MARK3: variants seen among roughly 807,000 people sequenced by gnomAD.
The protein encoded by MARK3 is MAP/microtubule affinity-regulating kinase 3.
Under a neutral mutation model 90.1 loss-of-function variants are expected in MARK3, and 46 were observed. The observed-to-expected ratio is 0.51, with a 90% CI of 0.40 to 0.65. The LOEUF (loss-of-function observed/expected upper bound fraction) is 0.65, where lower values mean the gene tolerates loss of function less well. Among genes scored for constraint, MARK3 ranks in the 30% least tolerant of loss-of-function variants. The probability of loss-of-function intolerance (pLI) is 0.00; values close to 1 mark genes in which losing one functional copy is unlikely to be tolerated. For missense variants in MARK3, 818 were observed against 947.2 expected (o/e 0.86, Z 1.79); for synonymous variants, 321 against 332.6 (o/e 0.97, Z 0.38).
chr14:103,444,428 C>A (rs1386276434), intron 3 of MARK3, among the ~76,000 whole-genome samples: 1 of 151,932 alleles, frequency 6.6e-6, no homozygotes, highest in Non-Finnish European at 1.5e-5. Context: ...TTTCTTTTTT[C>A]CAACTAACAT....
chr14:103,426,828 C>T (rs936304139), intron 2 of MARK3, among the ~76,000 whole-genome samples: 2 of 151,936 alleles, frequency 1.3e-5, no homozygotes, highest in African/African-American at 4.8e-5. Flanking sequence ...ACTTGGTTAG[C>T]CCACAGATTG....
At position 103,453,403 on chromosome 14, in the gene MARK3, C is replaced by T. The variant is rs553966824; in HGVS notation, c.412+1420C>T. 2.0e-5 allele frequency among the ~76,000 whole-genome samples: 3 copies of T among 152,276 alleles called. No individual in the cohort carries two copies. In the East Asian group the frequency reaches 5.8e-4, roughly 29 times the overall value. On this transcript the variant is annotated intron_variant, in intron 5 of 17. Transcript: ENST00000429436. The stretch of plus-strand genomic sequence containing the variant: ...CTGTTAAACTCTATCGTAATTTTAT[C>T]ATTAGCACTTTGATCCATGTTACAA...
intron 1 of MARK3, among the ~76,000 whole-genome samples, chr14:103,401,751 T>C (rs1027400277): frequency 5.9e-5 from 9 of 152,118 alleles, no homozygotes; most frequent in Admixed American, 5.2e-4. Context: ...ATGATGGATA[T>C]AGTATTGTCT....
intron 17 of MARK3, 59 bp downstream of exon 17, chr14:103,500,259 A>T: frequency 8.0e-7 from 1 of 1,255,414 alleles, no homozygotes; most frequent in Non-Finnish European, 1.1e-6. Flanking sequence ...TTTCTGTGGC[A>T]GAGGCGACTA....
At chr14:103,460,465 G>A (rs2093379854) in intron 6 of MARK3, among the ~76,000 whole-genome samples, 1 of 152,116 alleles carries the variant, frequency 6.6e-6, no homozygotes, top group East Asian at 1.9e-4. Context: ...ATGATTGAAA[G>A]TGAATTAGGT....
At chr14:103,498,584 C>A in intron 16 of MARK3, 56 bp downstream of exon 16, 1 of 1,306,524 alleles carries the variant, frequency 7.7e-7, no homozygotes, top group Non-Finnish European at 9.8e-7. Flanking sequence ...ATGGCTCCTG[C>A]AATTAACATT....
At chr14:103,441,358 C>T (rs1029105863) in intron 3 of MARK3, 3 of 152,150 alleles carry the variant, frequency 2.0e-5, no homozygotes, top group African/African-American at 7.2e-5. Flanking sequence ...GATCTCGGCT[C>T]ACTGCAAGCT....
At chr14:103,483,439 C>T (rs2093863186) in intron 14 of MARK3, among the ~76,000 whole-genome samples, 1 of 152,204 alleles carries the variant, frequency 6.6e-6, no homozygotes, top group Admixed American at 6.5e-5. Flanking sequence ...GCCCTTACTA[C>T]CTTCAAAATC....
chr14:103,471,406 C>T (rs1162128355), intron 12 of MARK3, among the ~76,000 whole-genome samples: 1 of 152,174 alleles, frequency 6.6e-6, no homozygotes, highest in African/African-American at 2.4e-5. Flanking sequence ...ACCAAGTCTC[C>T]CAAGGTTACA....
chr14:103,393,447 T>A (rs1332766876), intron 1 of MARK3, among the ~76,000 whole-genome samples: 1 of 152,082 alleles, frequency 6.6e-6, no homozygotes, highest in Non-Finnish European at 1.5e-5. Context: ...GGTGAAACTA[T>A]GTATCTTAAG....
intron 3 of MARK3, among the ~76,000 whole-genome samples, chr14:103,434,441 A>G (rs2092667331): frequency 6.6e-6 from 1 of 152,242 alleles, no homozygotes; most frequent in African/African-American, 2.4e-5. Flanking sequence ...GATCCTGCCA[A>G]ACTGAAAGAG....
chr14:103,444,388 T>C (rs779618198), intron 3 of MARK3, among the ~76,000 whole-genome samples: 1 of 152,198 alleles, frequency 6.6e-6, no homozygotes, highest in Non-Finnish European at 1.5e-5. Flanking sequence ...GAGAGAATTC[T>C]TTCAATTTAT....
chr14:103,432,100 T>G (rs2092600579), intron 3 of MARK3, among the ~76,000 whole-genome samples: 1 of 152,128 alleles, frequency 6.6e-6, no homozygotes, highest in African/African-American at 2.4e-5. Context: ...CTATGTAAAT[T>G]AGATATGGAT....
chr14:103,481,203 G>C (rs1189971478), intron 14 of MARK3, among the ~76,000 whole-genome samples: 1 of 152,198 alleles, frequency 6.6e-6, no homozygotes, highest in Non-Finnish European at 1.5e-5. Flanking sequence ...GGAGAGAAAA[G>C]AGAAGTTAGA....
rs1397031849 is a variant in MARK3, at chr14:103,421,358, A to G, written c.244-7029A>G. Among the ~76,000 whole-genome samples the G allele has an allele frequency of 3.3e-5, 5 of 152,346 alleles. No individual in the cohort carries two copies. The East Asian group carries it at 9.6e-4, about 29-fold the overall frequency. On this transcript the variant is annotated intron_variant, in intron 2 of 17. Transcript: ENST00000429436. The stretch of plus-strand genomic sequence containing the variant: ...TCAGTGAGCACAGTAACTGCATAGA[A>G]TGAACAATGAGAATTGACTGTAGCT...
intron 15 of MARK3, among the ~76,000 whole-genome samples, chr14:103,497,866 A>G (rs1396591433): frequency 2.0e-5 from 3 of 152,228 alleles, no homozygotes; most frequent in Non-Finnish European, 4.4e-5. Flanking sequence ...ATGTTTTATT[A>G]CTAGTACATT....
chr14:103,473,545 C>G (rs1439847050), intron 12 of MARK3, among the ~76,000 whole-genome samples: 3 of 152,140 alleles, frequency 2.0e-5, no homozygotes, highest in Non-Finnish European at 4.4e-5. Flanking sequence ...TAATATCACC[C>G]TATGCTTGAT....
chr14:103,472,696 A>G lies in MARK3; in HGVS notation c.1265-2297A>G, dbSNP rs1260803326. 2.0e-5 allele frequency among the ~76,000 whole-genome samples: 3 copies of G among 149,456 alleles called. 1 individual carries two copies. In the East Asian group the frequency reaches 6.0e-4, roughly 30 times the overall value. ...AATTTCTGTGTGACACATCCATACC[A>G]TGGACTACTACTCACAATAAAAAGG... is the stretch of plus-strand genomic sequence containing the variant. On this transcript the variant is annotated intron_variant, in intron 12 of 17. Coordinates refer to ENST00000429436, the MANE Select transcript of MARK3 (RefSeq NM_001128918.3).
At chr14:103,443,296 C>G (rs990956241) in intron 3 of MARK3, among the ~76,000 whole-genome samples, 8 of 152,214 alleles carry the variant, frequency 5.3e-5, no homozygotes, top group Non-Finnish European at 1.0e-4. Flanking sequence ...TGCCTCTGTT[C>G]AGCTGTTCCA....
Sources: gnomAD v4.1 joint callset for allele counts (sites outside exome capture counted in the v4.1 genomes callset) on GRCh38, gnomAD v4.1.1 for gene constraint, MANE v1.5 for transcripts, NCBI Gene and HGNC (gene_info 2026-07-23, HGNC 2026-07-21) for gene names.